Variants in P4HA3 observed in about 807,000 individuals in gnomAD.
P4HA3 encodes the protein prolyl 4-hydroxylase subunit alpha-3.
Under a neutral mutation model 66.7 loss-of-function variants are expected in P4HA3, and 60 were observed. The observed-to-expected ratio is 0.90, with a 90% CI of 0.73 to 1.12. The LOEUF (loss-of-function observed/expected upper bound fraction) is 1.12. Ranked by LOEUF, P4HA3 falls within the 50% of genes most tolerant of loss-of-function variation. The pLI is 0.00. For missense variants in P4HA3, 683 were observed against 685.8 expected, an observed-to-expected ratio of 1.00 and a Z score of 0.05; for synonymous variants, 263 against 274.6, an observed-to-expected ratio of 0.96 and a Z score of 0.42.
At chr11:74,267,963 T>C (rs539256844) in intron 12 of P4HA3, among the ~76,000 whole-genome samples, 182 bp downstream of exon 12, 53 of 152,344 alleles carry the variant, frequency 3.5e-4, no homozygotes, top group Non-Finnish European at 5.1e-4. Context: ...CAGGAACCCC[T>C]GCCTGTTATA....
chr11:74,287,933 T>C (rs1190229315), intron 5 of P4HA3, among the ~76,000 whole-genome samples: 1 of 152,060 alleles, frequency 6.6e-6, no homozygotes, highest in African/African-American at 2.4e-5. Context: ...CAAGAATCAC[T>C]TGAACCTGGG....
intron 12 of P4HA3, among the ~76,000 whole-genome samples, chr11:74,267,673 G>C (rs1860035352): frequency 6.6e-6 from 1 of 152,180 alleles, no homozygotes; most frequent in Non-Finnish European, 1.5e-5. Context: ...TCTCCTGGCA[G>C]CCTCCACCTC....
downstream of P4HA3, among the ~76,000 whole-genome samples, chr11:74,262,643 G>A (rs973901781): frequency 6.6e-6 from 1 of 152,180 alleles, no homozygotes; most frequent in African/African-American, 2.4e-5. Context: ...ACAGGAGAGT[G>A]ATCCATGGCA....
chr11:74,279,315 T>A, intron 8 of P4HA3, 73 bp downstream of exon 8: 1 of 1,394,306 alleles, frequency 7.2e-7, no homozygotes, highest in Non-Finnish European at 1.0e-6. Flanking sequence ...GAATGGCTGT[T>A]GCTGACTGGC....
At chr11:74,272,352 G>A (rs1201623264) in intron 10 of P4HA3, among the ~76,000 whole-genome samples, 1 of 152,200 alleles carries the variant, frequency 6.6e-6, no homozygotes, top group African/African-American at 2.4e-5. Context: ...AGGGGATAAA[G>A]AACAGAGATA....
intron 15 of P4HA3, chr11:74,253,870 A>G: frequency 2.6e-6 from 1 of 378,854 alleles, no homozygotes. Flanking sequence ...ATGTCTTCCC[A>G]GGCTCAGGGA....
chr11:74,260,227 C>G (rs1018311713), intron 14 of P4HA3: 4 of 152,178 alleles, frequency 2.6e-5, no homozygotes, highest in African/African-American at 9.7e-5. Context: ...CCCTACCTGT[C>G]CCACCCCAAC....
chr11:74,251,249 C>A (rs1591073681), intron 15 of P4HA3: 1 of 1,385,448 alleles, frequency 7.2e-7, no homozygotes, highest in Non-Finnish European at 9.3e-7. Flanking sequence ...TCCCAGGGCC[C>A]TGTGGTTAAG....
chr11:74,269,695 G>A lies in P4HA3; in HGVS notation c.1424C>T (p.Ala475Val). ...GAGGTTGGCATAGATGAAGGCTGTG[G>A]CTCCTCCAGCTTCCACCGAGCTCAG... is the stretch of plus-strand genomic sequence containing the variant. ...IYLSSVEAGGATAFIYANLSV... is the reference protein window; with the variant it reads ...IYLSSVEAGGVTAFIYANLSV... The change falls in exon 11 of 13, where the codon GCC becomes GTC. Residue 475 changes from alanine (A) to valine (V), a missense_variant. Coordinates refer to ENST00000331597, the MANE Select transcript of P4HA3 (RefSeq NM_182904.5). 1 of 1,613,852 alleles carries A rather than the reference G, an allele frequency of 6.2e-7. No individual in the cohort carries two copies. Among genetic ancestry groups the A allele is most frequent in the South Asian group, 1.1e-5 (1 of 91,006 alleles).
At chr11:74,257,531 AAGTC>A (rs1859848956) in intron 15 of P4HA3, among the ~76,000 whole-genome samples, 1 of 152,176 alleles carries the variant, frequency 6.6e-6, no homozygotes, top group African/African-American at 2.4e-5. Context: ...GGAGACTTGA[AAGTC>A]AGCCTAGGAA....
chr11:74,277,047 A>G lies in P4HA3; in HGVS notation c.1273T>C (p.Tyr425His). 6.2e-7 allele frequency: 1 copy of G among 1,613,834 alleles called. No homozygotes were observed. Among genetic ancestry groups the G allele is most frequent in the Non-Finnish European group, 8.5e-7 (1 of 1,179,880 alleles). Residue 425 changes from tyrosine (Y) to histidine (H), a missense_variant, in exon 9 of 13, where the codon TAT (tyrosine) becomes CAT (histidine). Coordinates refer to ENST00000331597, the MANE Select transcript of P4HA3 (RefSeq NM_182904.5). Reference protein sequence around the residue: ...GLDVRPPYAEYLQVVNYGIGG... With the variant: ...GLDVRPPYAEHLQVVNYGIGG... ...ATGCCATAGTTCACCACCTGCAGATACTCTGCATAGGGAGGCCGGACATCA... is the reference window on the plus strand; with the variant it reads ...ATGCCATAGTTCACCACCTGCAGATGCTCTGCATAGGGAGGCCGGACATCA...
intron 4 of P4HA3, among the ~76,000 whole-genome samples, chr11:74,296,266 T>C (rs1861209410): frequency 6.6e-6 from 1 of 152,240 alleles, no homozygotes; most frequent in Non-Finnish European, 1.5e-5. Context: ...AAGTTGCCTA[T>C]GTTTTCACAG....
chr11:74,285,863 A>C lies in P4HA3; in HGVS notation c.1056T>G (p.His352Gln). Residue 352 changes from histidine to glutamine, a missense_variant, in exon 7 of 13, where the codon CAT becomes CAG. Physicochemically the swap from His to Gln is conservative, Grantham distance 24. Coordinates refer to ENST00000331597, the MANE Select transcript of P4HA3 (RefSeq NM_182904.5). ...IHLEPYIALY[H>Q]DFVSDSEAQK... is the part of the protein sequence containing the mutation. The stretch of plus-strand genomic sequence containing the variant: ...GAGCCTCTGAGTCACTGACGAAGTC[A>C]TGGTAGAGAGCAATGTAGGGCTCCA... The C allele has an allele frequency of 6.2e-7, 1 of 1,614,128 alleles. No individual in the cohort carries two copies. The highest frequency in any genetic ancestry group is 8.5e-7 in the Non-Finnish European group (1 of 1,179,974).
At chr11:74,263,387 C>A (rs867141776), downstream of P4HA3, among the ~76,000 whole-genome samples, 1 of 152,112 alleles carries the variant, frequency 6.6e-6, no homozygotes, top group African/African-American at 2.4e-5. Context: ...TGTTGGAGAC[C>A]CCCCCTGCCC....
chr11:74,257,325 A>G (rs567590508), intron 15 of P4HA3, among the ~76,000 whole-genome samples: 7 of 152,156 alleles, frequency 4.6e-5, no homozygotes, highest in African/African-American at 9.6e-5. Flanking sequence ...GGGTTTTGCC[A>G]TGTTGGCCAG....
intron 15 of P4HA3, among the ~76,000 whole-genome samples, chr11:74,257,762 C>T (rs1200240572): frequency 7.1e-6 from 1 of 141,562 alleles, no homozygotes; most frequent in Non-Finnish European, 1.6e-5. Context: ...GACATGAGGC[C>T]AAGAGGTCAG....
chr11:74,269,547 G>T, intron 11 of P4HA3, 105 bp downstream of exon 11: 1 of 1,174,942 alleles, frequency 8.5e-7, no homozygotes, highest in Non-Finnish European at 1.2e-6. Flanking sequence ...ACCTCTTTTT[G>T]GCCCTCCTCC....
In P4HA3 at chr11:74,255,918, G is replaced by A. The variant is rs745764882; in HGVS notation, c.*1318+4005C>T. The stretch of plus-strand genomic sequence containing the variant: ...TATGTGTGGTTTGATTTCTCTCACC[G>A]GAACACTTTGCGGGTGCCTTTGCTG... On this transcript the variant is annotated intron_variant and NMD_transcript_variant, in intron 15 of 15. Coordinates refer to the P4HA3 transcript ENST00000524388. 60 of 516,264 alleles carry A rather than the reference G, an allele frequency of 1.2e-4. 2 individuals are homozygous for A. Among genetic ancestry groups the A allele is most frequent in the South Asian group, 6.5e-4 (46 of 71,276 alleles). The allele number at this position is 516,264 out of a possible 1,614,324, so 32.0% of individuals were successfully genotyped here.
intron 4 of P4HA3, among the ~76,000 whole-genome samples, chr11:74,297,463 A>T (rs1861261222): frequency 6.6e-6 from 1 of 152,170 alleles, no homozygotes; most frequent in South Asian, 2.1e-4. Flanking sequence ...AACTCTAGGG[A>T]ACTGGTTCCA....
Sources: allele counts gnomAD v4.1 joint callset (sites outside exome capture counted in the v4.1 genomes callset), GRCh38; gene constraint gnomAD v4.1.1; transcripts MANE v1.5; gene names NCBI Gene and HGNC (gene_info 2026-07-23, HGNC 2026-07-21).